TSC22D1: variants seen among roughly 807,000 people sequenced by gnomAD.
The protein encoded by TSC22D1 is TSC22 domain family member 1, also known as TSC22 domain family protein 1.
TSC22D1 carries 9 observed loss-of-function variants against 74.2 expected under a neutral mutation model. That is an observed-to-expected ratio of 0.12 (90% CI 0.07 to 0.21). The LOEUF (loss-of-function observed/expected upper bound fraction) is 0.21. Among genes scored for constraint, TSC22D1 ranks in the 10% least tolerant of loss-of-function variants. TSC22D1 has a pLI of 1.00. For missense variants in TSC22D1, 1,427 were observed against 1,304.7 expected (o/e 1.09, Z -1.44); for synonymous variants, 586 against 492.5 (o/e 1.19, Z -2.51).
intron 1 of TSC22D1, among the ~76,000 whole-genome samples, chr13:44,456,448 TAC>T (rs1876653677): frequency 6.6e-6 from 1 of 152,096 alleles, no homozygotes; most frequent in African/African-American, 2.4e-5. Flanking sequence ...GGTCCATTTT[TAC>T]AGAGTGCTGA....
intron 1 of TSC22D1, among the ~76,000 whole-genome samples, chr13:44,494,620 C>A (rs762543403): frequency 6.6e-6 from 1 of 151,782 alleles, no homozygotes; most frequent in Admixed American, 6.6e-5. Flanking sequence ...GCAACAAAAA[C>A]AAACTCTGAG....
intron 1 of TSC22D1, among the ~76,000 whole-genome samples, chr13:44,504,172 A>C (rs931012107): frequency 1.3e-5 from 2 of 151,646 alleles, no homozygotes; most frequent in Non-Finnish European, 2.9e-5. Context: ...CTTGACTTGA[A>C]GCCAGAAAAA....
intron 1 of TSC22D1, among the ~76,000 whole-genome samples, chr13:44,572,856 C>T (rs1254450196): frequency 1.3e-5 from 2 of 152,186 alleles, no homozygotes; most frequent in Admixed American, 1.3e-4. Flanking sequence ...AAAAATTAAG[C>T]TTTCCATAAT....
At chr13:44,540,079 A>T in intron 1 of TSC22D1, 1 of 426,696 alleles carries the variant, frequency 2.3e-6, no homozygotes, top group Admixed American at 3.4e-5. Flanking sequence ...GAATTTTAGA[A>T]GTCTGTCACC....
chr13:44,467,637 G>GA lies in TSC22D1; in HGVS notation c.2913-31543dup, dbSNP rs570220321. On this transcript the variant is annotated intron_variant, in intron 1 of 2. Coordinates refer to ENST00000458659, the MANE Select transcript of TSC22D1 (RefSeq NM_183422.4). ...TATACAAATGGCCAAGAAACATATG[G>GA]AAAAAATGCTCAACATCACTAATCA... 1.2e-3 allele frequency among the ~76,000 whole-genome samples: 182 copies of GA among 152,122 alleles called. 2 individuals are homozygous for GA. Among genetic ancestry groups the GA allele is most frequent in the African/African-American group, 4.1e-3 (169 of 41,510 alleles).
intron 1 of TSC22D1, among the ~76,000 whole-genome samples, chr13:44,529,348 A>G (rs1341067267): frequency 6.6e-6 from 1 of 152,102 alleles, no homozygotes; most frequent in Non-Finnish European, 1.5e-5. Flanking sequence ...AAATGCAGAA[A>G]AAGCACATGA....
intron 1 of TSC22D1, among the ~76,000 whole-genome samples, chr13:44,543,800 T>C (rs1437431808): frequency 6.6e-6 from 1 of 152,158 alleles, no homozygotes; most frequent in Non-Finnish European, 1.5e-5. Context: ...TTATCAAAAG[T>C]ATAACTTTCG....
intron 1 of TSC22D1, among the ~76,000 whole-genome samples, chr13:44,492,971 ACT>A (rs1878795304): frequency 6.6e-6 from 1 of 151,898 alleles, no homozygotes; most frequent in Non-Finnish European, 1.5e-5. Context: ...TAGCTCAGAA[ACT>A]CTTCTATCAA....
intron 1 of TSC22D1, among the ~76,000 whole-genome samples, chr13:44,506,143 G>T (rs934860995): frequency 1.3e-5 from 2 of 152,120 alleles, no homozygotes; most frequent in Non-Finnish European, 2.9e-5. Flanking sequence ...TAATAATGAT[G>T]GCAGTTTCTT....
intron 1 of TSC22D1, among the ~76,000 whole-genome samples, chr13:44,559,938 C>T (rs1002201812): frequency 7.9e-5 from 12 of 151,978 alleles, no homozygotes; most frequent in African/African-American, 1.9e-4. Flanking sequence ...GTGATCCGCC[C>T]GCCTTGGCCT....
intron 1 of TSC22D1, among the ~76,000 whole-genome samples, chr13:44,535,143 ATC>A (rs1443387943): frequency 6.6e-6 from 1 of 152,166 alleles, no homozygotes; most frequent in Non-Finnish European, 1.5e-5. Context: ...TTCTCCATCT[ATC>A]TGAAAACCCA....
At chr13:44,542,053 T>C (rs1335945139) in intron 1 of TSC22D1, among the ~76,000 whole-genome samples, 4 of 152,232 alleles carry the variant, frequency 2.6e-5, no homozygotes, top group Non-Finnish European at 5.9e-5. Flanking sequence ...ATTAATGAAA[T>C]CTAAGTAAAA....
At chr13:44,509,157 A>G (rs1282894878) in intron 1 of TSC22D1, among the ~76,000 whole-genome samples, 1 of 152,172 alleles carries the variant, frequency 6.6e-6, no homozygotes, top group Non-Finnish European at 1.5e-5. Context: ...CAATAAAATT[A>G]TTAGAAACAA....
At chr13:44,436,656 GA>G in intron 1 of TSC22D1, 2 of 1,594,238 alleles carry the variant, frequency 1.3e-6, no homozygotes, top group East Asian at 2.2e-5. Flanking sequence ...CACCCTCGTG[GA>G]AAAAAAGAGG....
At position 44,571,058 on chromosome 13, in the gene TSC22D1, G is replaced by T. The variant is rs117789150; in HGVS notation, c.2912+2105C>A. ...GATACCGCTAAAACAAAAATTTTCT[G>T]GTTTTTAATCACGAAACTTTGATGT... On this transcript the variant is annotated intron_variant, in intron 1 of 2. Transcript: ENST00000458659. Among the ~76,000 whole-genome samples the T allele has an allele frequency of 1.8e-4, 27 of 152,208 alleles. No homozygotes were observed. The East Asian group carries it at 5.2e-3, about 29-fold the overall frequency.
chr13:44,456,065 G>T (rs528030323), intron 1 of TSC22D1, among the ~76,000 whole-genome samples: 14 of 152,294 alleles, frequency 9.2e-5, no homozygotes, highest in Non-Finnish European at 1.5e-5. Context: ...CTGAGCAATT[G>T]TATCTGGAAT....
chr13:44,563,396 C>A (rs1883173083), intron 1 of TSC22D1, among the ~76,000 whole-genome samples: 1 of 152,162 alleles, frequency 6.6e-6, no homozygotes, highest in African/African-American at 2.4e-5. Flanking sequence ...CATTCATTAA[C>A]AAATTATAGA....
intron 1 of TSC22D1, chr13:44,539,146 A>G: frequency 3.0e-6 from 3 of 985,316 alleles, no homozygotes; most frequent in Non-Finnish European, 3.6e-6. Flanking sequence ...GGACTAGAAA[A>G]TGACTTTTGA....
intron 1 of TSC22D1, among the ~76,000 whole-genome samples, chr13:44,553,281 G>T (rs1164803656): frequency 6.6e-6 from 1 of 151,822 alleles, no homozygotes; most frequent in African/African-American, 2.4e-5. Flanking sequence ...AAACTAAAAT[G>T]TAATGTCAAC....
Sources: allele counts gnomAD v4.1 joint callset (sites outside exome capture counted in the v4.1 genomes callset), GRCh38; gene constraint gnomAD v4.1.1; transcripts MANE v1.5; gene names NCBI Gene and HGNC (gene_info 2026-07-23, HGNC 2026-07-21).